ASTN2: variants seen among roughly 807,000 people sequenced by gnomAD.
ASTN2 encodes the protein astrotactin 2.
ASTN2 carries 54 observed loss-of-function variants against 139.8 expected under a neutral mutation model. The ratio of observed to expected loss-of-function variants is 0.39; its 90% CI spans 0.31 to 0.48. ASTN2 has a LOEUF of 0.48. ASTN2 is among the 20% of genes least tolerant of loss of function. ASTN2 has a pLI of 0.95. For missense variants in ASTN2, 1,565 were observed against 1,725.1 expected (o/e 0.91, Z 1.64); for synonymous variants, 756 against 719.5 (o/e 1.05, Z -0.81).
At chr9:116,570,727 G>A (rs1853471825) in intron 19 of ASTN2, among the ~76,000 whole-genome samples, 2 of 152,156 alleles carry the variant, frequency 1.3e-5, no homozygotes, top group South Asian at 2.1e-4. Flanking sequence ...CCAGCACCCT[G>A]CATTGATCTG....
chr9:116,773,925 C>T (rs1207923726), intron 13 of ASTN2, among the ~76,000 whole-genome samples: 1 of 152,158 alleles, frequency 6.6e-6, no homozygotes, highest in Non-Finnish European at 1.5e-5. Flanking sequence ...CCCATGATAC[C>T]TATCTTTCAT....
chr9:117,135,723 G>A lies in ASTN2; in HGVS notation c.1168+5603C>T, dbSNP rs971438187. ...GAGTGGCTTGCTGGGCTGCGGCTGCGGTAGGGGCTGAGAAAATGCTTCACA... is the reference window on the plus strand; with the variant it reads ...GAGTGGCTTGCTGGGCTGCGGCTGCAGTAGGGGCTGAGAAAATGCTTCACA... On this transcript the variant is annotated intron_variant, in intron 4 of 22. Coordinates refer to ENST00000313400, the MANE Select transcript of ASTN2 (RefSeq NM_001365068.1). Among the ~76,000 whole-genome samples, 131 of 152,284 alleles carry A rather than the reference G, an allele frequency of 8.6e-4. 1 individual carries two copies. Among genetic ancestry groups the A allele is most frequent in the Non-Finnish European group, 1.1e-3 (78 of 68,018 alleles).
chr9:116,722,101 G>A (rs991861912), intron 16 of ASTN2, among the ~76,000 whole-genome samples: 5 of 152,018 alleles, frequency 3.3e-5, no homozygotes, highest in East Asian at 1.9e-4. Flanking sequence ...TGGAAATGTT[G>A]GCCTCCTCCC....
At chr9:116,470,943 A>C (rs1272848898) in intron 20 of ASTN2, among the ~76,000 whole-genome samples, 1 of 152,172 alleles carries the variant, frequency 6.6e-6, no homozygotes, top group African/African-American at 2.4e-5. Context: ...GAAAGTTATA[A>C]CTCTAAGACG....
At chr9:117,245,714 C>T (rs1305327068) in intron 2 of ASTN2, among the ~76,000 whole-genome samples, 1 of 152,138 alleles carries the variant, frequency 6.6e-6, no homozygotes, top group African/African-American at 2.4e-5. Context: ...TCACCATAAT[C>T]CCGAAACAGT....
intron 1 of ASTN2, among the ~76,000 whole-genome samples, chr9:117,385,915 C>G (rs1232013269): frequency 6.6e-6 from 1 of 151,980 alleles, no homozygotes; most frequent in Non-Finnish European, 1.5e-5. Flanking sequence ...CTGGTGGCAG[C>G]AGGGAATGCC....
chr9:116,838,346 G>A (rs936801213), intron 11 of ASTN2, among the ~76,000 whole-genome samples: 9 of 151,798 alleles, frequency 5.9e-5, no homozygotes, highest in Admixed American at 3.9e-4. Flanking sequence ...CTGACCTCAG[G>A]TGATCCGCCC....
chr9:116,636,964 T>C lies in ASTN2; in HGVS notation c.3072+14564A>G, dbSNP rs181859166. Among the ~76,000 whole-genome samples, 921 of 152,316 alleles carry C rather than the reference T, an allele frequency of 6.0e-3. 13 individuals carry two copies. The highest frequency in any genetic ancestry group is 0.021 in the African/African-American group (888 of 41,566). ...GCTCTTTTGCCCTGCCCTTTGGTCC[T>C]TTCTGCCATGTTAAGGACACAGTGT... is the stretch of plus-strand genomic sequence containing the variant. On this transcript the variant is annotated intron_variant, in intron 17 of 22. Coordinates refer to ENST00000313400, the MANE Select transcript of ASTN2 (RefSeq NM_001365068.1).
chr9:117,399,415 A>T (rs943566267), intron 1 of ASTN2, among the ~76,000 whole-genome samples: 1 of 152,164 alleles, frequency 6.6e-6, no homozygotes, highest in African/African-American at 2.4e-5. Context: ...AAGTGAGCAA[A>T]ATTTGAATTT....
intron 5 of ASTN2, among the ~76,000 whole-genome samples, chr9:117,063,345 C>T (rs1021239815): frequency 1.3e-5 from 2 of 152,116 alleles, no homozygotes; most frequent in African/African-American, 2.4e-5. Flanking sequence ...CCATGTATTA[C>T]GGGAGGGACC....
At chr9:116,582,405 G>A (rs1387273235) in intron 19 of ASTN2, 2 of 152,220 alleles carry the variant, frequency 1.3e-5, no homozygotes, top group African/African-American at 4.8e-5. Flanking sequence ...CAAATTTACT[G>A]AATGCCTATT....
chr9:117,258,310 G>A (rs1833740475), intron 2 of ASTN2, among the ~76,000 whole-genome samples: 2 of 152,152 alleles, frequency 1.3e-5, no homozygotes, highest in South Asian at 2.1e-4. Context: ...TGTAGGCCAA[G>A]TGCTTTCCAG....
intron 3 of ASTN2, among the ~76,000 whole-genome samples, chr9:117,142,689 A>C (rs1173262386): frequency 6.6e-6 from 1 of 152,204 alleles, no homozygotes; most frequent in African/African-American, 2.4e-5. Context: ...AAGTTGGAAG[A>C]TAAAAGGAAA....
At chr9:117,323,379 G>T (rs1020487657) in intron 1 of ASTN2, among the ~76,000 whole-genome samples, 1 of 115,676 alleles carries the variant, frequency 8.6e-6, no homozygotes, top group African/African-American at 3.1e-5. Context: ...ACTACCATTT[G>T]ATCCTAACTG....
chr9:117,190,434 T>A (rs1054449185), intron 3 of ASTN2, among the ~76,000 whole-genome samples: 12 of 152,152 alleles, frequency 7.9e-5, no homozygotes, highest in African/African-American at 2.7e-4. Flanking sequence ...TCCAAATCAC[T>A]CCTTCTCAGT....
intron 1 of ASTN2, among the ~76,000 whole-genome samples, chr9:117,364,818 TA>T (rs941272094): frequency 1.3e-5 from 2 of 151,562 alleles, no homozygotes; most frequent in African/African-American, 4.8e-5. Context: ...ATTAAGTAAA[TA>T]AAAAAGAAAA....
At chr9:116,989,768 G>C (rs759111409) in intron 7 of ASTN2, among the ~76,000 whole-genome samples, 8 of 152,148 alleles carry the variant, frequency 5.3e-5, no homozygotes, top group Non-Finnish European at 1.2e-4. Flanking sequence ...AATTTTAGTA[G>C]AGACAGGGTT....
chr9:116,692,388 T>G (rs1860615564), intron 16 of ASTN2, among the ~76,000 whole-genome samples: 1 of 152,228 alleles, frequency 6.6e-6, no homozygotes, highest in Non-Finnish European at 1.5e-5. Context: ...CAGCAGTTGC[T>G]GCTACTGCTA....
chr9:116,790,955 A>AAAG (rs59916639), intron 13 of ASTN2, among the ~76,000 whole-genome samples: 4,040 of 96,174 alleles, frequency 0.042, 59 homozygotes, highest in Middle Eastern at 0.087. Context: ...AGAAAGAAAG[A>AAAG]AAAGAAAGAA....
Sources: allele counts gnomAD v4.1 joint callset (sites outside exome capture counted in the v4.1 genomes callset), GRCh38; gene constraint gnomAD v4.1.1; transcripts MANE v1.5; gene names NCBI Gene and HGNC (gene_info 2026-07-23, HGNC 2026-07-21).